Variants in TNRC6A observed in about 807,000 individuals in gnomAD.
TNRC6A encodes the protein trinucleotide repeat containing adaptor 6A, also known as trinucleotide repeat-containing gene 6A protein.
A neutral mutation model predicts 221.2 loss-of-function variants in TNRC6A; 44 were observed. The observed-to-expected ratio is 0.20, with a 90% CI of 0.16 to 0.26. TNRC6A has a LOEUF of 0.26. Among genes scored for constraint, TNRC6A ranks in the 10% least tolerant of loss-of-function variants. The probability of loss-of-function intolerance (pLI) is 1.00; values close to 1 mark genes in which losing one functional copy is unlikely to be tolerated. For synonymous variants in TNRC6A, 847 were observed against 838.5 expected, an observed-to-expected ratio of 1.01 and a Z score of -0.18; for missense variants, 2,199 against 2,404.4, an observed-to-expected ratio of 0.91 and a Z score of 1.79.
intron 1 of TNRC6A, among the ~76,000 whole-genome samples, chr16:24,624,222 C>CCCAAATGT (rs1900839464): frequency 6.6e-6 from 1 of 152,166 alleles, no homozygotes; most frequent in Non-Finnish European, 1.5e-5. Context: ...AGCACGCAAA[C>CCCAAATGT]CCAAATGTGC....
intron 2 of TNRC6A, among the ~76,000 whole-genome samples, chr16:24,705,643 C>G (rs1596523028): frequency 6.6e-6 from 1 of 152,104 alleles, no homozygotes; most frequent in African/African-American, 2.4e-5. Context: ...TAGGTGAATT[C>G]TTAATACTGG....
intron 2 of TNRC6A, among the ~76,000 whole-genome samples, chr16:24,667,147 C>T (rs2055189083): frequency 6.6e-6 from 1 of 152,076 alleles, no homozygotes; most frequent in Non-Finnish European, 1.5e-5. Context: ...AAGAACACCA[C>T]TCTTTACTGC....
chr16:24,811,448 G>A (rs1000365517), intron 18 of TNRC6A, among the ~76,000 whole-genome samples: 5 of 152,144 alleles, frequency 3.3e-5, no homozygotes, highest in African/African-American at 1.2e-4. Flanking sequence ...GCCTTGGTTG[G>A]AGGCAGTTGG....
intron 6 of TNRC6A, 71 bp from the exon 7 acceptor site, chr16:24,793,402 T>G: frequency 8.1e-7 from 1 of 1,228,082 alleles, no homozygotes; most frequent in Non-Finnish European, 1.1e-6. Flanking sequence ...TAAGTTTTCT[T>G]TATTGTCCCT....
chr16:24,809,244 G>A lies in TNRC6A; in HGVS notation c.4541-106G>A, dbSNP rs189265578. 5.4e-5 allele frequency: 56 copies of A among 1,045,850 alleles called. 2 individuals are homozygous for A. The Admixed American group carries it at 1.5e-3, about 28-fold the overall frequency. The allele number at this position is 1,045,850 out of a possible 1,614,324, so 64.8% of individuals were successfully genotyped here. A position where few individuals can be genotyped will look rare whatever the true frequency, so the allele number is the denominator to read the frequency against. On this transcript the variant is annotated intron_variant, in intron 17 of 24. Coordinates refer to ENST00000395799, the MANE Select transcript of TNRC6A (RefSeq NM_014494.4). ...AAATTATAGTATTAACAGTTATGTG[G>A]TTTGAAAACATTAGTTACATGTTTT...
rs1318850835 is a variant in TNRC6A at position 24,805,600 on chromosome 16, C to T, written c.4123-5C>T. ...AGATCATTAACTTACCATTGTGATC[C>T]TAAGGTTCCAGTTTCATTGCTGAAG... On this transcript the variant is annotated splice_polypyrimidine_tract_variant and splice_region_variant and intron_variant, in intron 14 of 24. Coordinates refer to ENST00000395799, the MANE Select transcript of TNRC6A (RefSeq NM_014494.4). 3 of 1,613,998 alleles carry T rather than the reference C, an allele frequency of 1.9e-6. No individual in the cohort carries two copies. The highest frequency in any genetic ancestry group is 2.5e-6 in the Non-Finnish European group (3 of 1,179,952).
chr16:24,774,583 G>A (rs1037908404), intron 4 of TNRC6A, among the ~76,000 whole-genome samples: 3 of 151,798 alleles, frequency 2.0e-5, no homozygotes, highest in Admixed American at 6.6e-5. Flanking sequence ...TTTTTTTAAT[G>A]TTTAGATTTT....
At position 24,789,294 on chromosome 16, in the gene TNRC6A, A is replaced by G. The variant is rs1352549138; in HGVS notation, c.652A>G (p.Thr218Ala). 6.2e-7 allele frequency: 1 copy of G among 1,613,868 alleles called. No homozygotes were observed. The highest frequency in any genetic ancestry group is 8.5e-7 in the Non-Finnish European group (1 of 1,179,982). ...TTCCCAGCGGGGACCTGTGTCTTCT[A>G]CAAGTGATTCTAGCACAAACTGTAA... ...ENSQRGPVSSTSDSSTNCKNA... is the reference protein window; with the variant it reads ...ENSQRGPVSSASDSSTNCKNA... The change falls in exon 6 of 25, where the codon ACA (threonine) becomes GCA (alanine). Residue 218 changes from threonine to alanine, a missense_variant. Around this residue, in one of 8 missense-constraint regions of TNRC6A, gnomAD observed 1,405 missense variants for 1,400.2 expected, o/e 1.00. Transcript: ENST00000395799.
intron 2 of TNRC6A, among the ~76,000 whole-genome samples, chr16:24,722,685 C>T (rs1360904772): frequency 6.6e-6 from 1 of 152,100 alleles, no homozygotes; most frequent in Admixed American, 6.6e-5. Flanking sequence ...CCACCTGCCT[C>T]GGCCTCCCAA....
At chr16:24,682,529 A>G (rs551503847) in intron 2 of TNRC6A, among the ~76,000 whole-genome samples, 42 of 151,950 alleles carry the variant, frequency 2.8e-4, no homozygotes, top group Admixed American at 2.2e-3. Context: ...CACGCAGCTG[A>G]AGGAAGATTG....
At chr16:24,730,224 T>C (rs558731023) in intron 1 of TNRC6A, 29 bp from the exon 2 acceptor site, 2 of 1,591,178 alleles carry the variant, frequency 1.3e-6, no homozygotes, top group African/African-American at 1.4e-5. Context: ...TGTTTTTGTT[T>C]TGTTTTTGTT....
At chr16:24,719,187 C>T (rs2056368108) in intron 2 of TNRC6A, among the ~76,000 whole-genome samples, 1 of 152,134 alleles carries the variant, frequency 6.6e-6, no homozygotes, top group Admixed American at 6.5e-5. Flanking sequence ...CAGATATGGC[C>T]TTTGCTCTCC....
At chr16:24,775,567 G>A (rs936254396) in intron 4 of TNRC6A, among the ~76,000 whole-genome samples, 1 of 152,204 alleles carries the variant, frequency 6.6e-6, no homozygotes, top group African/African-American at 2.4e-5. Context: ...AAACTCAGGT[G>A]ACCAAGGCTT....
chr16:24,811,476 C>G (rs1276478593), intron 18 of TNRC6A, among the ~76,000 whole-genome samples: 1 of 152,020 alleles, frequency 6.6e-6, no homozygotes, highest in Non-Finnish European at 1.5e-5. Flanking sequence ...TTCTAGGAGG[C>G]CTGTGATCTC....
At chr16:24,646,680 T>A (rs1344454228) in intron 2 of TNRC6A, among the ~76,000 whole-genome samples, 2 of 152,218 alleles carry the variant, frequency 1.3e-5, no homozygotes, top group African/African-American at 4.8e-5. Context: ...TAAAAGATGT[T>A]TTTAAAATCT....
chr16:24,822,160 G>C lies in TNRC6A; in HGVS notation c.5373+13G>C. The C allele has an allele frequency of 6.2e-7, 1 of 1,613,672 alleles. No homozygotes were observed. Among genetic ancestry groups the C allele is most frequent in the South Asian group, 1.1e-5 (1 of 91,068 alleles). The stretch of plus-strand genomic sequence containing the variant: ...CCTTACACCTCAGGTAAGGATACCA[G>C]ATACGCTGGTTTATGTGGCTACGCC... On this transcript the variant is annotated intron_variant, in intron 23 of 24. Coordinates refer to ENST00000395799, the MANE Select transcript of TNRC6A (RefSeq NM_014494.4).
rs186543271 is a variant in TNRC6A, at chr16:24,789,423, A to T, written c.781A>T (p.Ser261Cys). The T allele has an allele frequency of 1.2e-6, 2 of 1,614,192 alleles. No homozygotes were observed. Among genetic ancestry groups the T allele is most frequent in the East Asian group, 4.5e-5 (2 of 44,886 alleles). ...SECMDADSAS[S>C]SESERNITIM... ...ATGTATGGATGCTGATTCTGCCTCC[A>T]GTTCTGAATCAGAGAGAAACATCAC... is the stretch of plus-strand genomic sequence containing the variant. Residue 261 changes from serine to cysteine, a missense_variant, in exon 6 of 25, where the codon AGT becomes TGT. Ser to Cys is a moderately radical substitution (Grantham distance 112). Around this residue, in one of 8 missense-constraint regions of TNRC6A, gnomAD observed 1,405 missense variants for 1,400.2 expected, o/e 1.00. Coordinates refer to ENST00000395799, the MANE Select transcript of TNRC6A (RefSeq NM_014494.4).
Position 24,789,502 on chromosome 16 carries a change from C to G in TNRC6A, c.860C>G (p.Thr287Ser), listed in dbSNP as rs2058049171. The G allele has an allele frequency of 6.2e-7, 1 of 1,614,058 alleles. No homozygotes were observed. The highest frequency in any genetic ancestry group is 1.3e-5 in the African/African-American group (1 of 74,916). ...GGEKDGLRNS[T>S]GLGSQNKFVV... ...GAAAAAGATGGCCTTCGGAATAGCA[C>G]TGGACTTGGTTCCCAAAACAAGTTT... Residue 287 changes from threonine to serine, a missense_variant, in exon 6 of 25, where the codon ACT (threonine) becomes AGT (serine). By Grantham distance (58) the Thr-to-Ser change is moderately conservative. Coordinates refer to ENST00000395799, the MANE Select transcript of TNRC6A (RefSeq NM_014494.4).
chr16:24,735,106 AC>A lies in TNRC6A; in HGVS notation c.53+4810del, dbSNP rs1291999957. Among the ~76,000 whole-genome samples, 3 of 152,114 alleles carry A rather than the reference AC, an allele frequency of 2.0e-5. No homozygotes were observed. The East Asian group carries it at 5.8e-4, about 29-fold the overall frequency. ...AGACCAGCTTGGCCAACATGGTGAG[AC>A]CCCGTCTCTACTAAAAGTACAAAAA... On this transcript the variant is annotated intron_variant, in intron 2 of 24. Transcript: ENST00000395799.
Sources: allele counts gnomAD v4.1 joint callset (sites outside exome capture counted in the v4.1 genomes callset), GRCh38; gene constraint gnomAD v4.1.1; regional missense constraint gnomAD v4.1.1; transcripts MANE v1.5; gene names NCBI Gene and HGNC (gene_info 2026-07-23, HGNC 2026-07-21).